PCDHA5: variants seen among roughly 807,000 people sequenced by gnomAD.
PCDHA5 encodes the protein protocadherin alpha-5.
Under a neutral mutation model 61.6 loss-of-function variants are expected in PCDHA5, and 43 were observed. The observed-to-expected ratio is 0.70, with a 90% CI of 0.55 to 0.90. PCDHA5 has a LOEUF of 0.90. PCDHA5 is among the 40% of genes least tolerant of loss of function. The probability of loss-of-function intolerance (pLI) is 0.00; values close to 1 mark genes in which losing one functional copy is unlikely to be tolerated. For synonymous variants in PCDHA5, 627 were observed against 543.9 expected (o/e 1.15, Z -2.13); for missense variants, 1,298 against 1,222.7 (o/e 1.06, Z -0.92).
chr5:140,927,929 C>G (rs762916391), intron 1 of PCDHA5: 1 of 1,614,208 alleles, frequency 6.2e-7, no homozygotes, highest in Non-Finnish European at 8.5e-7. Flanking sequence ...CTGACTCTTT[C>G]GAACCCAGTA....
intron 3 of PCDHA5, among the ~76,000 whole-genome samples, chr5:140,987,107 G>C (rs936936352): frequency 2.0e-5 from 3 of 151,876 alleles, no homozygotes; most frequent in Admixed American, 6.6e-5. Context: ...CCAGCTACTC[G>C]GGAGGCTGAG....
At chr5:141,000,391 CTCTCTATATATA>C (rs1452985170) in intron 3 of PCDHA5, among the ~76,000 whole-genome samples, 26 of 56,648 alleles carry the variant, frequency 4.6e-4, no homozygotes, top group Middle Eastern at 0.011. Flanking sequence ...CTCTCTCTCT[CTCTCTATATATA>C]TATATATATA....
At chr5:140,838,136 CAG>C (rs1270820690) in intron 1 of PCDHA5, among the ~76,000 whole-genome samples, 9 of 126,910 alleles carry the variant, frequency 7.1e-5, no homozygotes, top group East Asian at 2.4e-4. Flanking sequence ...GTGTGTTTGA[CAG>C]AGTTTTACTC....
At chr5:140,971,372 A>G (rs1554233263) in intron 1 of PCDHA5, among the ~76,000 whole-genome samples, 1 of 152,214 alleles carries the variant, frequency 6.6e-6, no homozygotes, top group Non-Finnish European at 1.5e-5. Flanking sequence ...AGGAGAGTGC[A>G]TGACTTTAAT....
chr5:140,922,257 G>A (rs2080747240), intron 1 of PCDHA5, among the ~76,000 whole-genome samples: 5 of 152,172 alleles, frequency 3.3e-5, no homozygotes, highest in Admixed American at 3.3e-4. Context: ...AAGTTACTAA[G>A]TGCCATGAAG....
At chr5:140,923,983 T>C (rs1180891950) in intron 1 of PCDHA5, among the ~76,000 whole-genome samples, 1 of 152,220 alleles carries the variant, frequency 6.6e-6, no homozygotes, top group African/African-American at 2.4e-5. Context: ...ACTATCCCTC[T>C]AGGTGCAGCT....
At chr5:140,968,446 C>T in intron 1 of PCDHA5, 1 of 1,614,046 alleles carries the variant, frequency 6.2e-7, no homozygotes, top group Non-Finnish European at 8.5e-7. Context: ...CACCACTGAG[C>T]AGCACTGTGA....
chr5:140,944,807 A>T (rs1472832230), intron 1 of PCDHA5, among the ~76,000 whole-genome samples: 1 of 152,214 alleles, frequency 6.6e-6, no homozygotes, highest in Non-Finnish European at 1.5e-5. Context: ...TCGAGGGTCC[A>T]CAGTGATCTT....
At chr5:140,999,240 G>A (rs193018375) in intron 3 of PCDHA5, among the ~76,000 whole-genome samples, 1 of 152,340 alleles carries the variant, frequency 6.6e-6, no homozygotes, top group Non-Finnish European at 1.5e-5. Context: ...GGTGGTTAAA[G>A]TGGGAGTTGG....
chr5:140,921,694 A>G (rs1251407999), intron 1 of PCDHA5, among the ~76,000 whole-genome samples: 1 of 152,200 alleles, frequency 6.6e-6, no homozygotes, highest in Non-Finnish European at 1.5e-5. Context: ...TGGCCACCTC[A>G]ATTTTAAACA....
intron 2 of PCDHA5, 69 bp downstream of exon 2, chr5:140,979,076 C>G: frequency 6.3e-7 from 1 of 1,584,068 alleles, no homozygotes; most frequent in South Asian, 1.1e-5. Flanking sequence ...AACTGCATCT[C>G]CATAGGCCAG....
At chr5:140,862,209 A>C (rs2047255709) in intron 1 of PCDHA5, 2 of 201,904 alleles carry the variant, frequency 9.9e-6, no homozygotes, top group South Asian at 2.0e-4. Flanking sequence ...TGATCACTGC[A>C]CAGACTTGAT....
intron 1 of PCDHA5, chr5:140,875,959 G>A: frequency 1.2e-6 from 2 of 1,614,070 alleles, no homozygotes; most frequent in South Asian, 1.1e-5. Flanking sequence ...TGCGGATATC[G>A]GCGTAAACTC....
At chr5:141,007,030 A>G (rs1554261014) in intron 3 of PCDHA5, among the ~76,000 whole-genome samples, 1 of 152,186 alleles carries the variant, frequency 6.6e-6, no homozygotes, top group African/African-American at 2.4e-5. Flanking sequence ...TATGGTATTT[A>G]TATCTATGGA....
intron 3 of PCDHA5, among the ~76,000 whole-genome samples, chr5:141,009,356 G>T (rs535761188): frequency 7.9e-5 from 12 of 152,204 alleles, no homozygotes; most frequent in Non-Finnish European, 1.6e-4. Context: ...CTACTTGGGA[G>T]GCTAAGATGG....
intron 2 of PCDHA5, 118 bp downstream of exon 2, chr5:140,979,125 C>A (rs782380399): frequency 8.7e-5 from 128 of 1,479,726 alleles, no homozygotes; most frequent in Non-Finnish European, 1.0e-4. Flanking sequence ...GGTACTTTGC[C>A]AGGAAAATGC....
At chr5:140,965,880 A>G (rs1414604415) in intron 1 of PCDHA5, among the ~76,000 whole-genome samples, 1 of 152,190 alleles carries the variant, frequency 6.6e-6, no homozygotes, top group Non-Finnish European at 1.5e-5. Context: ...CTTGGCCGAG[A>G]GCAGAATTGA....
At chr5:140,824,259 T>A in intron 1 of PCDHA5, 132 bp downstream of exon 1, 2 of 1,319,982 alleles carry the variant, frequency 1.5e-6, no homozygotes, top group South Asian at 2.6e-5. Flanking sequence ...ATTATTGCAC[T>A]AATTCATGTA....
Position 140,823,874 on chromosome 5 carries a change from T to C in PCDHA5, c.2099T>C (p.Ile700Thr), listed in dbSNP as rs2150129906. 6.8e-6 allele frequency: 11 copies of C among 1,613,890 alleles called. No individual in the cohort carries two copies. In the Admixed American group the frequency reaches 1.8e-4, roughly 27 times the overall value. Reference sequence around the variant, plus strand: ...CTGGTGGATGTCAACGTGTACCTGATCATCGCCATCTGTGCGGTGTCCAGC... The same window carrying C: ...CTGGTGGATGTCAACGTGTACCTGACCATCGCCATCTGTGCGGTGTCCAGC... ...AALVDVNVYL[I>T]IAICAVSSLL... is the part of the protein sequence containing the mutation. The change falls in exon 1 of 4, where the codon ATC becomes ACC. Residue 700 changes from isoleucine (I) to threonine (T), a missense_variant. Ile to Thr is a moderately conservative substitution (Grantham distance 89). Coordinates refer to ENST00000529859, the MANE Select transcript of PCDHA5 (RefSeq NM_018908.3).
Sources: allele counts gnomAD v4.1 joint callset (sites outside exome capture counted in the v4.1 genomes callset), GRCh38; gene constraint gnomAD v4.1.1; transcripts MANE v1.5; gene names NCBI Gene and HGNC (gene_info 2026-07-23, HGNC 2026-07-21).